SLMAP: variants seen among roughly 807,000 people sequenced by gnomAD.
SLMAP encodes sarcolemma associated protein.
SLMAP carries 44 observed loss-of-function variants against 128.8 expected under a neutral mutation model. The ratio of observed to expected loss-of-function variants is 0.34; its 90% CI spans 0.27 to 0.44. The LOEUF is 0.44. SLMAP is among the 20% of genes least tolerant of loss of function. The pLI is 1.00. For missense variants in SLMAP, 787 were observed against 985.3 expected, an observed-to-expected ratio of 0.80 and a Z score of 2.69; for synonymous variants, 327 against 348.8, an observed-to-expected ratio of 0.94 and a Z score of 0.70.
chr3:57,926,668 A>T lies in SLMAP; in HGVS notation c.*7-628A>T, dbSNP rs146744346. ...CAACAGCCCATCCATGCTTGTTTCT[A>T]ACTGGCATGCATGTTAGTAGAGCAT... On this transcript the variant is annotated intron_variant, in intron 24 of 24. Coordinates refer to ENST00000671191, the MANE Select transcript of SLMAP (RefSeq NM_001377540.1). Among the ~76,000 whole-genome samples the T allele has an allele frequency of 3.7e-4, 56 of 152,350 alleles. No individual in the cohort carries two copies. The East Asian group carries it at 7.9e-3, about 22-fold the overall frequency.
At position 57,912,686 on chromosome 3, in the gene SLMAP, G is replaced by A; in HGVS notation, c.2005G>A (p.Ala669Thr). 6.2e-7 allele frequency: 1 copy of A among 1,610,414 alleles called. No individual in the cohort carries two copies. Among genetic ancestry groups the A allele is most frequent in the Non-Finnish European group, 8.5e-7 (1 of 1,177,164 alleles). Residue 669 changes from alanine to threonine, a missense_variant, in exon 20 of 25, where the codon GCA becomes ACA. Physicochemically the swap from Ala to Thr is moderately conservative, Grantham distance 58 (BLOSUM62 0). This residue lies in a region of SLMAP where 715 missense variants were observed against 843.6 expected (regional missense o/e 0.85). Coordinates refer to ENST00000671191, the MANE Select transcript of SLMAP (RefSeq NM_001377540.1). ...GTGTGAGGACCAGCAGAGAGAAGAA[G>A]CAACAAGGTTGCAAGGTGAATAAAT... is the stretch of plus-strand genomic sequence containing the variant. ...QQCEDQQREE[A>T]TRLQGELEKL... is the part of the protein sequence containing the mutation.
intron 14 of SLMAP, among the ~76,000 whole-genome samples, chr3:57,883,917 T>C (rs908976572): frequency 6.8e-6 from 1 of 147,988 alleles, no homozygotes; most frequent in Non-Finnish European, 1.5e-5. Context: ...TTATTTTTCT[T>C]CTTCTTTTTT....
intron 14 of SLMAP, among the ~76,000 whole-genome samples, chr3:57,884,077 C>T (rs2095816727): frequency 6.6e-6 from 1 of 151,634 alleles, no homozygotes; most frequent in Non-Finnish European, 1.5e-5. Context: ...TAAGGGCATA[C>T]GTCACCACAC....
chr3:57,871,395 A>G (rs2095476895), intron 13 of SLMAP, among the ~76,000 whole-genome samples: 1 of 152,112 alleles, frequency 6.6e-6, no homozygotes, highest in South Asian at 2.1e-4. Flanking sequence ...TATTTATGTG[A>G]TTTTCTTGAG....
rs1452361337 is a variant in SLMAP at position 57,927,563 on chromosome 3, A to T, written c.*274A>T. On this transcript the variant is annotated 3_prime_UTR_variant, in exon 25 of 25. Transcript: ENST00000671191. ...TAAAATGTATCTGTCTATAAAGAAG[A>T]TATAAAATTGTGACTTTATTCTACT... 3 of 355,458 alleles carry T rather than the reference A, an allele frequency of 8.4e-6. No individual in the cohort carries two copies. Among genetic ancestry groups the T allele is most frequent in the Non-Finnish European group, 1.0e-5 (2 of 198,328 alleles). 22.0% of individuals were successfully genotyped at this position (355,458 alleles called of 1,614,324 possible).
At chr3:57,763,721 A>T (rs143847340) in intron 2 of SLMAP, among the ~76,000 whole-genome samples, 300 of 152,332 alleles carry the variant, frequency 2.0e-3, no homozygotes, top group African/African-American at 7.0e-3. Context: ...GTGACAGTGC[A>T]CTTTGAAAAT....
At chr3:57,775,585 A>T (rs1576301434) in intron 2 of SLMAP, among the ~76,000 whole-genome samples, 1 of 135,664 alleles carries the variant, frequency 7.4e-6, no homozygotes, top group Admixed American at 8.1e-5. Flanking sequence ...TGCTTGAGGG[A>T]GGCTGAGTGC....
intron 14 of SLMAP, among the ~76,000 whole-genome samples, chr3:57,888,327 A>G (rs1355948083): frequency 1.3e-5 from 2 of 152,186 alleles, no homozygotes; most frequent in African/African-American, 2.4e-5. Flanking sequence ...ATTTTTCAAT[A>G]TAAATACTGA....
intron 3 of SLMAP, among the ~76,000 whole-genome samples, chr3:57,839,966 G>A (rs1440467837): frequency 2.6e-5 from 4 of 152,298 alleles, no homozygotes; most frequent in South Asian, 4.1e-4. Context: ...GGGATTACAG[G>A]CGTAAGCCAC....
intron 14 of SLMAP, among the ~76,000 whole-genome samples, chr3:57,881,463 A>G (rs2153634131): frequency 6.6e-6 from 1 of 152,122 alleles, no homozygotes; most frequent in African/African-American, 2.4e-5. Flanking sequence ...TTTTTTATTT[A>G]TTATTATTTT....
At chr3:57,914,796 G>C (rs1175501558) in intron 21 of SLMAP, among the ~76,000 whole-genome samples, 1 of 151,666 alleles carries the variant, frequency 6.6e-6, no homozygotes, top group African/African-American at 2.4e-5. Flanking sequence ...TGGTTAGGCT[G>C]TTCTCAAACT....
intron 17 of SLMAP, among the ~76,000 whole-genome samples, chr3:57,906,310 C>CCTTTTTTTTTTTTT (rs2096547779): frequency 2.1e-5 from 1 of 47,048 alleles, no homozygotes; most frequent in African/African-American, 7.1e-5. Flanking sequence ...CTTTTTTTTT[C>CCTTTTTTTTTTTTT]TTTTTTTTTT....
rs116068951 is a variant in SLMAP at position 57,909,238 on chromosome 3, C to T, written c.1699+88C>T. The T allele has an allele frequency of 1.3e-3, 1,205 of 913,128 alleles. 14 individuals carry two copies. In the African/African-American group the frequency reaches 0.019, roughly 14 times the overall value. 56.6% of individuals were successfully genotyped at this position (913,128 alleles called of 1,614,324 possible). A position where few individuals can be genotyped will look rare whatever the true frequency, so the allele number is the denominator to read the frequency against. The stretch of plus-strand genomic sequence containing the variant: ...GGAATGGAGGCCAGGCGCAGTGGCT[C>T]ATGCCTGCAATCCCAGCATTTGGGA... On this transcript the variant is annotated intron_variant, in intron 19 of 24. Transcript: ENST00000671191.
intron 2 of SLMAP, among the ~76,000 whole-genome samples, chr3:57,791,201 CA>C (rs201545140): frequency 2.1e-4 from 32 of 150,886 alleles, no homozygotes; most frequent in African/African-American, 7.3e-4. Context: ...ACTAAAAATA[CA>C]AAAAAAAATT....
At position 57,873,764 on chromosome 3, in the gene SLMAP, C is replaced by T. The variant is rs1283402516; in HGVS notation, c.1300+2066C>T. Among the ~76,000 whole-genome samples the T allele has an allele frequency of 2.0e-5, 3 of 152,036 alleles. No individual in the cohort carries two copies. The South Asian group carries it at 6.2e-4, about 32-fold the overall frequency. ...CCTAGGCAGGAGGATCCCTTGAGGC[C>T]AGGAGATCAAGACCAGCTTGGGCAA... On this transcript the variant is annotated intron_variant, in intron 14 of 24. Transcript: ENST00000671191.
At chr3:57,774,533 TA>T (rs2081441408) in intron 2 of SLMAP, among the ~76,000 whole-genome samples, 1 of 151,006 alleles carries the variant, frequency 6.6e-6, no homozygotes, top group Admixed American at 6.6e-5. Flanking sequence ...TTATTATTAT[TA>T]TTATTATTGA....
chr3:57,778,748 A>C (rs1431090222), intron 2 of SLMAP, among the ~76,000 whole-genome samples: 1 of 150,430 alleles, frequency 6.6e-6, no homozygotes, highest in East Asian at 1.9e-4. Context: ...GCTAATTTTA[A>C]AATTTGTGGT....
intron 13 of SLMAP, among the ~76,000 whole-genome samples, chr3:57,869,793 T>C (rs2095438832): frequency 6.6e-6 from 1 of 150,968 alleles, no homozygotes; most frequent in Admixed American, 6.6e-5. Flanking sequence ...TACTAATTCA[T>C]TGAAATCATT....
At chr3:57,854,955 A>AGT (rs1169241951) in intron 6 of SLMAP, among the ~76,000 whole-genome samples, 2 of 152,232 alleles carry the variant, frequency 1.3e-5, no homozygotes, top group African/African-American at 4.8e-5. Context: ...TAGGCTATAT[A>AGT]GTGTAGCCTA....
Sources: allele counts gnomAD v4.1 joint callset (sites outside exome capture counted in the v4.1 genomes callset), GRCh38; gene constraint gnomAD v4.1.1; regional missense constraint gnomAD v4.1.1; transcripts MANE v1.5; gene names NCBI Gene and HGNC (gene_info 2026-07-23, HGNC 2026-07-21).